Variants in LOXHD1 observed in about 807,000 individuals in gnomAD.
LOXHD1 encodes lipoxygenase homology PLAT domains 1, also known as lipoxygenase homology domain-containing protein 1.
In LOXHD1, 205 loss-of-function variants were observed where a neutral mutation model predicts 248.2. The ratio of observed to expected loss-of-function variants is 0.83; its 90% confidence interval spans 0.74 to 0.93. The LOEUF (loss-of-function observed/expected upper bound fraction) is 0.93, where lower values mean the gene tolerates loss of function less well. LOXHD1 is among the 40% of genes least tolerant of loss of function. The pLI, the probability that LOXHD1 is intolerant of heterozygous loss-of-function variation, is 0.00. For synonymous variants in LOXHD1, 1,113 were observed against 1,162.8 expected (o/e 0.96, Z 0.87); for missense variants, 2,930 against 2,971.6 (o/e 0.99, Z 0.33).
chr18:46,518,950 G>T, intron 33 of LOXHD1: 1 of 985,498 alleles, frequency 1.0e-6, no homozygotes, highest in Non-Finnish European at 1.2e-6. Flanking sequence ...ACTTGAGATT[G>T]GGGTTTTGCC....
chr18:46,530,279 C>T (rs886086920), intron 28 of LOXHD1, among the ~76,000 whole-genome samples: 3 of 152,062 alleles, frequency 2.0e-5, no homozygotes, highest in Admixed American at 6.6e-5. Context: ...AGTGAGGATT[C>T]GGGAGTATTC....
intron 6 of LOXHD1, among the ~76,000 whole-genome samples, chr18:46,608,448 TG>T (rs1215081376): frequency 1.3e-5 from 2 of 152,156 alleles, no homozygotes; most frequent in East Asian, 3.9e-4. Flanking sequence ...AGGGTGAAAC[TG>T]TTCACCCTTT....
chr18:46,621,459 A>G (rs1248312846), intron 4 of LOXHD1, among the ~76,000 whole-genome samples: 3 of 152,196 alleles, frequency 2.0e-5, no homozygotes, highest in Non-Finnish European at 4.4e-5. Flanking sequence ...GCATCTGCCG[A>G]TGAGAGAACA....
chr18:46,551,577 A>C (rs1284700602), intron 21 of LOXHD1, among the ~76,000 whole-genome samples: 1 of 152,188 alleles, frequency 6.6e-6, no homozygotes, highest in African/African-American at 2.4e-5. Flanking sequence ...CATCACTATT[A>C]ATAAAAAAAA....
chr18:46,573,030 A>AG (rs1390062930), intron 14 of LOXHD1, among the ~76,000 whole-genome samples: 1 of 150,300 alleles, frequency 6.7e-6, no homozygotes, highest in Non-Finnish European at 1.5e-5. Flanking sequence ...CTCAAAAAAA[A>AG]AAAAAAAAAA....
chr18:46,608,342 C>T (rs2038453438), intron 6 of LOXHD1, among the ~76,000 whole-genome samples: 1 of 152,154 alleles, frequency 6.6e-6, no homozygotes, highest in South Asian at 2.1e-4. Context: ...GGTAAGACAA[C>T]AAAGAAACAC....
chr18:46,493,691 G>C (rs549565424), intron 37 of LOXHD1, among the ~76,000 whole-genome samples: 3 of 152,188 alleles, frequency 2.0e-5, no homozygotes, highest in South Asian at 2.1e-4. Context: ...TAAGAAAAAG[G>C]CTTAGAAACT....
intron 4 of LOXHD1, among the ~76,000 whole-genome samples, chr18:46,619,662 T>C (rs2038640768): frequency 6.6e-6 from 1 of 152,194 alleles, no homozygotes; most frequent in African/African-American, 2.4e-5. Context: ...GTTGGAGAGA[T>C]GAGGAGAAAA....
rs1264052349 is a variant in LOXHD1, at chr18:46,638,619, G to C, written c.511+997C>G. 2.0e-5 allele frequency among the ~76,000 whole-genome samples: 3 copies of C among 152,132 alleles called. No homozygotes were observed. The South Asian group carries it at 6.2e-4, about 32-fold the overall frequency. ...TTTCACTTCAGCTTGGGCAACAAGA[G>C]TGAAACTCCATCTCAAAAATAAATA... On this transcript the variant is annotated intron_variant, in intron 4 of 40. Coordinates refer to ENST00000642948, the MANE Select transcript of LOXHD1 (RefSeq NM_001384474.1).
intron 13 of LOXHD1, among the ~76,000 whole-genome samples, chr18:46,578,950 C>A (rs2037910052): frequency 2.0e-5 from 3 of 152,344 alleles, no homozygotes; most frequent in Non-Finnish European, 2.9e-5. Context: ...CTAGCTCTTT[C>A]CCCACTGCTT....
At chr18:46,587,625 A>G (rs2038086540) in intron 12 of LOXHD1, among the ~76,000 whole-genome samples, 1 of 152,236 alleles carries the variant, frequency 6.6e-6, no homozygotes, top group Admixed American at 6.5e-5. Context: ...AAGACTTTAA[A>G]GAGATGGGTA....
chr18:46,549,784 T>C (rs2037008137), intron 21 of LOXHD1, among the ~76,000 whole-genome samples: 1 of 152,250 alleles, frequency 6.6e-6, no homozygotes, highest in Non-Finnish European at 1.5e-5. Flanking sequence ...GTATCTGTCT[T>C]TAATTATTAA....
chr18:46,559,552 T>C lies in LOXHD1; in HGVS notation c.3112A>G (p.Thr1038Ala), dbSNP rs1234445863. ...VVTGNVPKAGTDANVYLTIYG... is the reference protein window; with the variant it reads ...VVTGNVPKAGADANVYLTIYG... ...ATGGTTAGGTAGACGTTAGCATCAG[T>C]GCCGGCCTTGGGCACATTCCCCGTG... The change falls in exon 20 of 41, where the codon ACT becomes GCT. Residue 1038 changes from threonine to alanine, a missense_variant. Thr to Ala is a moderately conservative substitution (Grantham distance 58). Coordinates refer to ENST00000642948, the MANE Select transcript of LOXHD1 (RefSeq NM_001384474.1). 6.4e-7 allele frequency: 1 copy of C among 1,551,940 alleles called. No individual in the cohort carries two copies. The highest frequency in any genetic ancestry group is 2.0e-5 in the Admixed American group (1 of 51,004).
chr18:46,600,589 ACT>A (rs2038319417), intron 8 of LOXHD1, among the ~76,000 whole-genome samples: 1 of 133,332 alleles, frequency 7.5e-6, no homozygotes, highest in Non-Finnish European at 1.6e-5. Flanking sequence ...CAGAAGTGAA[ACT>A]CTGTCCAAAA....
intron 36 of LOXHD1, among the ~76,000 whole-genome samples, chr18:46,507,137 C>A (rs1418263658): frequency 6.6e-6 from 1 of 152,190 alleles, no homozygotes; most frequent in Non-Finnish European, 1.5e-5. Context: ...ACATCTGTAT[C>A]CTAAGACCCA....
chr18:46,559,340 T>A, intron 20 of LOXHD1, 108 bp downstream of exon 20: 1 of 1,548,276 alleles, frequency 6.5e-7, no homozygotes, highest in Non-Finnish European at 8.7e-7. Context: ...GATGAACAAG[T>A]CACACTGCCA....
At chr18:46,496,976 C>T (rs2033913335) in intron 37 of LOXHD1, among the ~76,000 whole-genome samples, 1 of 152,166 alleles carries the variant, frequency 6.6e-6, no homozygotes, top group African/African-American at 2.4e-5. Context: ...GCACTCCAGC[C>T]TGGGCAACAG....
intron 10 of LOXHD1, 146 bp from the exon 11 acceptor site, chr18:46,592,730 A>G (rs1211689450): frequency 1.3e-5 from 9 of 684,768 alleles, no homozygotes; most frequent in Non-Finnish European, 2.3e-5. Flanking sequence ...CCACCCTCAC[A>G]TATTTTATCT....
At chr18:46,487,455 G>T (rs76801241) in intron 38 of LOXHD1, among the ~76,000 whole-genome samples, 1 of 152,224 alleles carries the variant, frequency 6.6e-6, no homozygotes, top group Non-Finnish European at 1.5e-5. Flanking sequence ...TGACGGCCAT[G>T]GAGGAATGCT....
Sources: allele counts gnomAD v4.1 joint callset (sites outside exome capture counted in the v4.1 genomes callset), GRCh38; gene constraint gnomAD v4.1.1; transcripts MANE v1.5; gene names NCBI Gene and HGNC (gene_info 2026-07-23, HGNC 2026-07-21).